Variants in ACOXL observed in about 807,000 individuals in gnomAD.
ACOXL encodes the protein acyl-coenzyme A oxidase-like protein.
ACOXL carries 70 observed loss-of-function variants against 71.9 expected under a neutral mutation model. The ratio of observed to expected loss-of-function variants is 0.97; its 90% CI spans 0.80 to 1.19. The LOEUF is 1.19. Among genes scored for constraint, ACOXL ranks in the 50% most tolerant of loss-of-function variants. The pLI, the probability that ACOXL is intolerant of heterozygous loss-of-function variation, is 0.00. For missense variants in ACOXL, 703 were observed against 736.3 expected, an observed-to-expected ratio of 0.95 and a Z score of 0.52; for synonymous variants, 253 against 281.6, an observed-to-expected ratio of 0.90 and a Z score of 1.02.
At chr2:110,830,556 C>CA (rs2105625554) in intron 9 of ACOXL, among the ~76,000 whole-genome samples, 2 of 150,788 alleles carry the variant, frequency 1.3e-5, no homozygotes, top group South Asian at 4.2e-4. Flanking sequence ...TTTTTTGAGA[C>CA]AGAGTCTTGG....
intron 12 of ACOXL, among the ~76,000 whole-genome samples, chr2:110,962,443 GC>G (rs1471901221): frequency 6.6e-6 from 1 of 152,202 alleles, no homozygotes; most frequent in African/African-American, 2.4e-5. Flanking sequence ...GGTAATTAAG[GC>G]TTCTGCTGGG....
intron 17 of ACOXL, among the ~76,000 whole-genome samples, chr2:111,116,441 T>G (rs1244233583): frequency 6.6e-6 from 1 of 152,164 alleles, no homozygotes; most frequent in Admixed American, 6.5e-5. Context: ...ACCCTCTATA[T>G]TCCCCATCCC....
At chr2:111,105,611 C>T (rs982658716) in intron 17 of ACOXL, among the ~76,000 whole-genome samples, 1 of 152,078 alleles carries the variant, frequency 6.6e-6, no homozygotes, top group African/African-American at 2.4e-5. Flanking sequence ...TTAGTGTCTG[C>T]ATATCCATTA....
intron 10 of ACOXL, among the ~76,000 whole-genome samples, chr2:110,879,029 C>A (rs1696283036): frequency 6.6e-6 from 1 of 151,000 alleles, no homozygotes; most frequent in Non-Finnish European, 1.5e-5. Context: ...TACCCTCCAG[C>A]CTGGGCGACA....
At chr2:110,808,496 A>T (rs1471223834) in intron 9 of ACOXL, among the ~76,000 whole-genome samples, 1 of 151,484 alleles carries the variant, frequency 6.6e-6, no homozygotes, top group Admixed American at 6.6e-5. Flanking sequence ...CCCCCTTGTC[A>T]CTCCCTGGGT....
chr2:110,738,095 T>C (rs1268125811), intron 1 of ACOXL, among the ~76,000 whole-genome samples: 1 of 152,182 alleles, frequency 6.6e-6, no homozygotes, highest in Admixed American at 6.5e-5. Flanking sequence ...ATTTAAAAAG[T>C]GCTGCTTGCC....
At chr2:110,856,522 G>GA (rs1183884441) in intron 10 of ACOXL, among the ~76,000 whole-genome samples, 1 of 152,186 alleles carries the variant, frequency 6.6e-6, no homozygotes, top group Non-Finnish European at 1.5e-5. Context: ...GACTTCATAA[G>GA]AAAAGAAAAG....
At chr2:111,050,439 T>C (rs2066236020) in intron 16 of ACOXL, among the ~76,000 whole-genome samples, 2 of 152,196 alleles carry the variant, frequency 1.3e-5, no homozygotes, top group African/African-American at 4.8e-5. Context: ...CTTAATTCTC[T>C]GTTTCCTGCT....
intron 9 of ACOXL, among the ~76,000 whole-genome samples, chr2:110,823,966 A>G (rs1165121416): frequency 2.0e-5 from 3 of 152,130 alleles, no homozygotes; most frequent in African/African-American, 4.8e-5. Context: ...TTTAATTTTA[A>G]TAAAGTCTAA....
chr2:110,986,431 TTTTC>T (rs1451101425), intron 12 of ACOXL, among the ~76,000 whole-genome samples: 1 of 152,152 alleles, frequency 6.6e-6, no homozygotes, highest in Non-Finnish European at 1.5e-5. Context: ...ACGACGTGGT[TTTTC>T]TGCTGCTCTG....
intron 9 of ACOXL, among the ~76,000 whole-genome samples, chr2:110,824,172 T>G (rs1191647534): frequency 6.6e-6 from 1 of 152,228 alleles, no homozygotes; most frequent in Non-Finnish European, 1.5e-5. Flanking sequence ...CTCAGTTGAT[T>G]ATATTTATGT....
chr2:110,790,627 C>G (rs898477874), intron 3 of ACOXL, among the ~76,000 whole-genome samples: 1 of 152,228 alleles, frequency 6.6e-6, no homozygotes, highest in Non-Finnish European at 1.5e-5. Context: ...TTCGCAGTCT[C>G]TCTCAGAGCA....
chr2:111,041,381 A>G (rs979514920), intron 15 of ACOXL, among the ~76,000 whole-genome samples: 2 of 152,138 alleles, frequency 1.3e-5, no homozygotes, highest in Non-Finnish European at 2.9e-5. Flanking sequence ...TGGAGTCCAC[A>G]GTGTTTGTTT....
chr2:111,097,263 A>C (rs1449500097), intron 17 of ACOXL, among the ~76,000 whole-genome samples: 1 of 152,220 alleles, frequency 6.6e-6, no homozygotes, highest in Non-Finnish European at 1.5e-5. Context: ...GTTCTCAGAA[A>C]TAGAAAGTTG....
intron 10 of ACOXL, among the ~76,000 whole-genome samples, chr2:110,871,067 A>C (rs1695214588): frequency 6.6e-6 from 1 of 152,282 alleles, no homozygotes; most frequent in East Asian, 1.9e-4. Flanking sequence ...TCAGAATTTG[A>C]AATTAGTATT....
At chr2:111,000,228 T>C (rs188195227) in intron 14 of ACOXL, among the ~76,000 whole-genome samples, 1 of 152,286 alleles carries the variant, frequency 6.6e-6, no homozygotes, top group Admixed American at 6.5e-5. Flanking sequence ...CCTTGTTACG[T>C]AGTGGCATAG....
chr2:110,985,361 G>A (rs2062884491), intron 12 of ACOXL, among the ~76,000 whole-genome samples: 1 of 151,994 alleles, frequency 6.6e-6, no homozygotes, highest in African/African-American at 2.4e-5. Context: ...TAAATATTTT[G>A]TAACACTCCC....
rs79278407 is a variant in ACOXL at position 110,850,760 on chromosome 2, A to C, written c.788+9355A>C. On this transcript the variant is annotated intron_variant, in intron 10 of 17. Transcript: ENST00000439055. The stretch of plus-strand genomic sequence containing the variant: ...GGCCACTTTGGAAAAACACTTTGGA[A>C]GTTTCTTATGATGTTAAACATACCT... 9.2e-3 allele frequency among the ~76,000 whole-genome samples: 1,405 copies of C among 152,282 alleles called. 31 individuals carry two copies. The highest frequency in any genetic ancestry group is 0.032 in the African/African-American group (1,324 of 41,556).
chr2:110,920,071 G>A (rs1394068186), intron 11 of ACOXL, among the ~76,000 whole-genome samples: 1 of 152,152 alleles, frequency 6.6e-6, no homozygotes, highest in African/African-American at 2.4e-5. Flanking sequence ...TGATTGACTA[G>A]GGCAAATACT....
Sources: allele counts gnomAD v4.1 joint callset (sites outside exome capture counted in the v4.1 genomes callset), GRCh38; gene constraint gnomAD v4.1.1; transcripts MANE v1.5; gene names NCBI Gene and HGNC (gene_info 2026-07-23, HGNC 2026-07-21).